Variants in CAPN12 observed in about 807,000 individuals in gnomAD.
CAPN12 encodes calpain 12.
Under a neutral mutation model 95.0 loss-of-function variants are expected in CAPN12, and 107 were observed. The ratio of observed to expected loss-of-function variants is 1.13; its 90% CI spans 0.96 to 1.32. CAPN12 has a LOEUF of 1.32. Ranked by LOEUF, CAPN12 falls within the 40% of genes most tolerant of loss-of-function variation. CAPN12 has a pLI of 0.00. For missense variants in CAPN12, 1,136 were observed against 997.8 expected, an observed-to-expected ratio of 1.14 and a Z score of -1.87; for synonymous variants, 505 against 415.5, an observed-to-expected ratio of 1.22 and a Z score of -2.62.
Position 38,736,554 on chromosome 19 carries a change from C to T in CAPN12, c.1372G>A (p.Glu458Lys). The T allele has an allele frequency of 6.4e-7, 1 of 1,555,066 alleles. No homozygotes were observed. Among genetic ancestry groups the T allele is most frequent in the Non-Finnish European group, 8.7e-7 (1 of 1,149,348 alleles). Residue 458 changes from glutamate (E) to lysine (K), a missense_variant and splice_region_variant, in exon 11 of 21, where the codon GAG (glutamate) becomes AAG (lysine). By Grantham distance (56) the Glu-to-Lys change is moderately conservative. Coordinates refer to ENST00000328867, the MANE Select transcript of CAPN12 (RefSeq NM_144691.4). ...VGFHVFQIPE[E>K]LLGLWDSPRS... ...GGTTGACCCCATCCCAGACTCACCT[C>T]CTCTGGAATCTGAAAGAAGCAAGAG...
chr19:38,737,474 C>G lies in CAPN12; in HGVS notation c.1129+1G>C, dbSNP rs1459179543. On this transcript the variant is annotated splice_donor_variant, in intron 9 of 20. Transcript: ENST00000328867. LOFTEE classifies it high-confidence loss of function. The stretch of plus-strand genomic sequence containing the variant: ...GCCTCTCAGGGCCCCTCAGGCCTCA[C>G]CAGCATTAGGCTGGCTCCCGCCGGA... 2 of 1,612,642 alleles carry G rather than the reference C, an allele frequency of 1.2e-6. No individual in the cohort carries two copies. Among genetic ancestry groups the G allele is most frequent in the African/African-American group, 2.7e-5 (2 of 74,942 alleles).
In CAPN12 at chr19:38,736,159, C is replaced by T. The variant is rs935856394; in HGVS notation, c.1534G>A (p.Glu512Lys). ...VVPSTAHAGD[E>K]ADFTLRVFSE... Reference sequence around the variant, plus strand: ...AAGACACGCAGAGTGAAGTCAGCCTCGTCGCCGGCGTGGGCGGTGCTCGGC... The same window carrying T: ...AAGACACGCAGAGTGAAGTCAGCCTTGTCGCCGGCGTGGGCGGTGCTCGGC... Residue 512 changes from glutamate (E) to lysine (K), a missense_variant, in exon 12 of 21, where the codon GAG becomes AAG. Transcript: ENST00000328867. 7.9e-6 allele frequency: 12 copies of T among 1,514,252 alleles called. No individual in the cohort carries two copies. The Admixed American group carries it at 8.2e-5, about 10-fold the overall frequency. 93.8% of individuals were successfully genotyped at this position (1,514,252 alleles called of 1,614,324 possible).
intron 20 of CAPN12, 24 bp downstream of exon 20, chr19:38,730,941 C>T (rs761927347): frequency 3.7e-5 from 57 of 1,550,420 alleles, no homozygotes; most frequent in Non-Finnish European, 4.9e-5. Flanking sequence ...GCCTGAGCCA[C>T]CCTGTCCCTC....
At chr19:38,735,039 G>A (rs1179546181) in intron 14 of CAPN12, 169 bp from the exon 15 acceptor site, 1 of 656,300 alleles carries the variant, frequency 1.5e-6, no homozygotes, top group African/African-American at 1.8e-5. Flanking sequence ...GGGAAGCACT[G>A]GGCTGTGGTT....
chr19:38,736,533 G>A lies in CAPN12; in HGVS notation c.1374+19C>T. ...GGTTGACCAAGCCCCAGGGCCGGTT[G>A]ACCCCATCCCAGACTCACCTCCTCT... On this transcript the variant is annotated intron_variant, in intron 11 of 20. Coordinates refer to ENST00000328867, the MANE Select transcript of CAPN12 (RefSeq NM_144691.4). The A allele has an allele frequency of 1.3e-6, 2 of 1,578,264 alleles. No homozygotes were observed. Among genetic ancestry groups the A allele is most frequent in the South Asian group, 2.3e-5 (2 of 88,658 alleles).
At position 38,741,998 on chromosome 19, in the gene CAPN12, G is replaced by C. The variant is rs138473159; in HGVS notation, c.427-88C>G. On this transcript the variant is annotated intron_variant, in intron 3 of 20. Transcript: ENST00000328867. Reference sequence around the variant, plus strand: ...CTCTGCTGTGCCAGTCCCAGAGTCAGGAATTACAGCCCCAAGTCAACGTTA... The same window carrying C: ...CTCTGCTGTGCCAGTCCCAGAGTCACGAATTACAGCCCCAAGTCAACGTTA... 690 of 1,540,574 alleles carry C rather than the reference G, an allele frequency of 4.5e-4. 3 individuals carry two copies. The African/African-American group carries it at 8.6e-3, about 19-fold the overall frequency.
chr19:38,733,674 C>A (rs1384502787), intron 18 of CAPN12, 29 bp downstream of exon 18: 1 of 1,596,556 alleles, frequency 6.3e-7, no homozygotes, highest in Non-Finnish European at 8.6e-7. Flanking sequence ...GGTCCTGTCC[C>A]CACGACCACC....
At chr19:38,742,363 G>A (rs757587925) in intron 3 of CAPN12, 47 bp downstream of exon 3, 1 of 1,257,522 alleles carries the variant, frequency 8.0e-7, no homozygotes, top group Non-Finnish European at 1.2e-6. Flanking sequence ...ATATCACCAA[G>A]TCACCATGGG....
At chr19:38,738,210 C>A in intron 8 of CAPN12, 63 bp downstream of exon 8, 1 of 1,537,582 alleles carries the variant, frequency 6.5e-7, no homozygotes, top group African/African-American at 1.5e-5. Context: ...CTGGGGCTCG[C>A]CCTCCCTGAA....
chr19:38,738,424 C>T lies in CAPN12; in HGVS notation c.884G>A (p.Ser295Asn). 1 of 1,610,022 alleles carries T rather than the reference C, an allele frequency of 6.2e-7. No individual in the cohort carries two copies. Among genetic ancestry groups the T allele is most frequent in the African/African-American group, 1.3e-5 (1 of 75,016 alleles). The change falls in exon 7 of 21, where the codon AGC becomes AAC. Residue 295 changes from serine to asparagine, a missense_variant. Ser to Asn is a conservative substitution (Grantham distance 46). Coordinates refer to ENST00000328867, the MANE Select transcript of CAPN12 (RefSeq NM_144691.4). Reference protein sequence around the residue: ...WGCVEWTGAWSDSCPRWDTLP... With the variant: ...WGCVEWTGAWNDSCPRWDTLP... ...CACCCCAGACCCATCCCACCTGTCGCTCCAGGCCCCCGTCCACTCCACGCA... is the reference window on the plus strand; with the variant it reads ...CACCCCAGACCCATCCCACCTGTCGTTCCAGGCCCCCGTCCACTCCACGCA...
rs1232821342 is a variant in CAPN12 at position 38,738,665 on chromosome 19, A to G, written c.730-17T>C. 4 of 1,613,294 alleles carry G rather than the reference A, an allele frequency of 2.5e-6. No individual in the cohort carries two copies. The highest frequency in any genetic ancestry group is 3.4e-6 in the Non-Finnish European group (4 of 1,179,686). On this transcript the variant is annotated splice_polypyrimidine_tract_variant and intron_variant, in intron 5 of 20. Coordinates refer to ENST00000328867, the MANE Select transcript of CAPN12 (RefSeq NM_144691.4). ...CCGATCACTCTGGGCAGGGGATGGG[A>G]TGGTGAGGCCAAGGTAGGGGACAGG... is the stretch of plus-strand genomic sequence containing the variant.
In CAPN12 at chr19:38,740,182, T is replaced by C. The variant is rs369243557; in HGVS notation, c.598A>G (p.Met200Val). ...GSYEVMRGGH[M>V]NEAFVDFTGG... Reference sequence around the variant, plus strand: ...GTGAAATCCACAAAAGCCTCATTCATGTGGCCGCCCCGCATCACCTCATAG... The same window carrying C: ...GTGAAATCCACAAAAGCCTCATTCACGTGGCCGCCCCGCATCACCTCATAG... The change falls in exon 5 of 21, where the codon ATG (methionine) becomes GTG (valine). Residue 200 changes from methionine (M) to valine (V), a missense_variant. Met to Val is a conservative substitution (Grantham distance 21, BLOSUM62 1). Coordinates refer to ENST00000328867, the MANE Select transcript of CAPN12 (RefSeq NM_144691.4). 3.1e-6 allele frequency: 5 copies of C among 1,612,000 alleles called. No individual in the cohort carries two copies. The highest frequency in any genetic ancestry group is 3.3e-5 in the Admixed American group (2 of 59,780).
intron 15 of CAPN12, 68 bp from the exon 16 acceptor site, chr19:38,734,457 G>T: frequency 7.3e-7 from 1 of 1,366,478 alleles, no homozygotes. Flanking sequence ...GGGCTGGGTG[G>T]ATGTGACTCC....
rs375639799 is a variant in CAPN12 at position 38,741,933 on chromosome 19, C to G, written c.427-23G>C. 25 of 1,611,058 alleles carry G rather than the reference C, an allele frequency of 1.6e-5. 1 individual carries two copies. The highest frequency in any genetic ancestry group is 3.3e-5 in the Admixed American group (2 of 59,778). The stretch of plus-strand genomic sequence containing the variant: ...GAGCTGGTGGGAGAAGATGCAGGGC[C>G]GGACTCGGCTTCCAACCTCCAACCC... On this transcript the variant is annotated intron_variant, in intron 3 of 20. Transcript: ENST00000328867.
chr19:38,740,026 C>G (rs1300273944), intron 5 of CAPN12, 25 bp downstream of exon 5: 2 of 1,530,706 alleles, frequency 1.3e-6, no homozygotes, highest in Non-Finnish European at 8.8e-7. Context: ...GGTGGGGGTT[C>G]CGCATGCGAG....
In CAPN12 at chr19:38,738,361, G is replaced by A. The variant is rs1253055001; in HGVS notation, c.891-14C>T. The A allele has an allele frequency of 6.2e-7, 1 of 1,611,736 alleles. No individual in the cohort carries two copies. Among genetic ancestry groups the A allele is most frequent in the African/African-American group, 1.3e-5 (1 of 74,872 alleles). ...CAGCGTGGGCAGCTGGAGAGACTGT[G>A]GTGTGAGGGGCGGGCAGGTGGGGTC... On this transcript the variant is annotated splice_polypyrimidine_tract_variant and intron_variant, in intron 7 of 20. Transcript: ENST00000328867.
At chr19:38,740,019 G>C (rs200499989) in intron 5 of CAPN12, 32 bp downstream of exon 5, 11 of 1,521,196 alleles carry the variant, frequency 7.2e-6, no homozygotes, top group Non-Finnish European at 9.7e-6. Context: ...TGGTCCTGGT[G>C]GGGGTTCCGC....
Position 38,742,450 on chromosome 19 carries a change from T to C in CAPN12, c.386A>G (p.Gln129Arg), listed in dbSNP as rs534261784. 3.1e-6 allele frequency: 5 copies of C among 1,614,074 alleles called. No individual in the cohort carries two copies. The South Asian group carries it at 5.5e-5, about 18-fold the overall frequency. The stretch of plus-strand genomic sequence containing the variant: ...GCCTGCGTAGCCATGCTGGAAATCC[T>C]GTCCAGGAGGGACCACCCGGCGCAG... ...RLLRRVVPPG[Q>R]DFQHGYAGVF... is the part of the protein sequence containing the mutation. The change falls in exon 3 of 21, where the codon CAG becomes CGG. Residue 129 changes from glutamine (Q) to arginine (R), a missense_variant. Coordinates refer to ENST00000328867, the MANE Select transcript of CAPN12 (RefSeq NM_144691.4).
Position 38,743,975 on chromosome 19 carries a change from C to T in CAPN12, c.191G>A (p.Gly64Glu). The change falls in exon 1 of 21, where the codon GGG becomes GAG. Residue 64 changes from glycine to glutamate, a missense_variant. Gly to Glu is a moderately conservative substitution (Grantham distance 98, BLOSUM62 -2). Coordinates refer to ENST00000328867, the MANE Select transcript of CAPN12 (RefSeq NM_144691.4). ...GPDALGYDQL[G>E]PDSEKAKGVK... ...GCCTTTGGCCTTCTCCGAGTCCGGC[C>T]CCAGCTGGTCATAGCCAAGGGCATC... 1 of 1,614,236 alleles carries T rather than the reference C, an allele frequency of 6.2e-7. No homozygotes were observed. The highest frequency in any genetic ancestry group is 8.5e-7 in the Non-Finnish European group (1 of 1,180,046).
Sources: gnomAD v4.1 joint callset for allele counts on GRCh38, gnomAD v4.1.1 for gene constraint, MANE v1.5 for transcripts, NCBI Gene and HGNC (gene_info 2026-07-23, HGNC 2026-07-21) for gene names.